HNRNPUL1: variants seen among roughly 807,000 people sequenced by gnomAD.
HNRNPUL1 encodes heterogeneous nuclear ribonucleoprotein U like 1, also known as heterogeneous nuclear ribonucleoprotein U-like protein 1.
Under a neutral mutation model 108.5 loss-of-function variants are expected in HNRNPUL1, and 14 were observed. That is an observed-to-expected ratio of 0.13 (90% CI 0.09 to 0.20). The LOEUF (loss-of-function observed/expected upper bound fraction) is 0.20. Ranked by LOEUF, HNRNPUL1 falls within the 10% of genes least tolerant of loss-of-function variation. The pLI is 1.00. For synonymous variants in HNRNPUL1, 422 were observed against 445.2 expected, an observed-to-expected ratio of 0.95 and a Z score of 0.66; for missense variants, 804 against 1,168.3, an observed-to-expected ratio of 0.69 and a Z score of 4.55.
chr19:41,289,730 TTTTGAGAAGGAGTCTTGCTGTTGCCC>T (rs2036470556), intron 7 of HNRNPUL1, among the ~76,000 whole-genome samples: 1 of 150,550 alleles, frequency 6.6e-6, no homozygotes, highest in Non-Finnish European at 1.5e-5. Flanking sequence ...TTTTTTTTTT[TTTTGAGAAGGAGTCTTGCTGTTGCCC>T]GGCTGGAGTG....
Position 41,294,702 on chromosome 19 carries a change from C to T in HNRNPUL1, c.1518+16C>T. On this transcript the variant is annotated intron_variant, in intron 10 of 14. Coordinates refer to ENST00000392006, the MANE Select transcript of HNRNPUL1 (RefSeq NM_007040.6). The surrounding 1 kb of genome is among the most constrained non-coding windows in gnomAD (Gnocchi z 4.3). ...CCTAGATCAGGTACTTAATGATGAC[C>T]ATTGTGTCCTCAGGAGAAGGGAGGG... 1 of 1,613,860 alleles carries T rather than the reference C, an allele frequency of 6.2e-7. No homozygotes were observed. Among genetic ancestry groups the T allele is most frequent in the South Asian group, 1.1e-5 (1 of 90,940 alleles).
intron 4 of HNRNPUL1, among the ~76,000 whole-genome samples, chr19:41,275,822 G>T (rs2035518103): frequency 6.6e-6 from 1 of 152,218 alleles, no homozygotes; most frequent in African/African-American, 2.4e-5. Flanking sequence ...CATCAGCCAG[G>T]CCGGGCGTGG....
At chr19:41,302,214 G>GTGTT (rs1794726138) in intron 11 of HNRNPUL1, among the ~76,000 whole-genome samples, 1 of 92,430 alleles carries the variant, frequency 1.1e-5, no homozygotes, top group African/African-American at 4.6e-5. Context: ...CTCTCTCTCT[G>GTGTT]TTTTTTTTTT....
intron 5 of HNRNPUL1, among the ~76,000 whole-genome samples, chr19:41,278,142 G>A (rs1968453): frequency 0.064 from 9,678 of 151,614 alleles, 837 homozygotes; most frequent in African/African-American, 0.19. Context: ...TTACTGCAAC[G>A]TCTCCCTCCT....
intron 3 of HNRNPUL1, among the ~76,000 whole-genome samples, 189 bp from the exon 4 acceptor site, chr19:41,273,793 G>C (rs1264464690): frequency 1.3e-5 from 2 of 152,180 alleles, no homozygotes; most frequent in Non-Finnish European, 2.9e-5. Flanking sequence ...TCCACCGTAG[G>C]AGTTGACGGT....
intron 7 of HNRNPUL1, among the ~76,000 whole-genome samples, chr19:41,282,884 C>A (rs1253972448): frequency 2.0e-5 from 3 of 150,996 alleles, no homozygotes; most frequent in Non-Finnish European, 4.4e-5. Flanking sequence ...TTAGTAGAGA[C>A]GGGGTTTCAC....
In HNRNPUL1 at chr19:41,264,502, C is replaced by T; in HGVS notation, c.-2C>T. The stretch of plus-strand genomic sequence containing the variant: ...TCGGGGGCCACCCCGGGGGCCCGGG[C>T]CATGGATGTGCGCCGTCTGAAGGTG... On this transcript the variant is annotated 5_prime_UTR_variant, in exon 1 of 15. Transcript: ENST00000392006. 4 of 1,395,564 alleles carry T rather than the reference C, an allele frequency of 2.9e-6. No homozygotes were observed. Among genetic ancestry groups the T allele is most frequent in the South Asian group, 3.0e-5 (2 of 66,354 alleles). 86.4% of individuals were successfully genotyped at this position (1,395,564 alleles called of 1,614,324 possible).
In HNRNPUL1 at chr19:41,303,974, T is replaced by G. The variant is rs1207601270; in HGVS notation, c.1975T>G (p.Phe659Val). Reference sequence around the variant, plus strand: ...TCATCTGGATTTCTCCAACACAGGTTTCAACCGCAGCGGAGGTGGTGGCTA... The same window carrying G: ...TCATCTGGATTTCTCCAACACAGGTGTCAACCGCAGCGGAGGTGGTGGCTA... ...SGGGGNYRGGFNRSGGGGYSQ... is the reference protein window; with the variant it reads ...SGGGGNYRGGVNRSGGGGYSQ... Residue 659 changes from phenylalanine (F) to valine (V), a missense_variant and splice_region_variant, in exon 13 of 15, where the codon TTC (phenylalanine) becomes GTC (valine). By Grantham distance (50) the Phe-to-Val change is conservative. Coordinates refer to ENST00000392006, the MANE Select transcript of HNRNPUL1 (RefSeq NM_007040.6). The G allele has an allele frequency of 6.2e-7, 1 of 1,607,668 alleles. No homozygotes were observed. The highest frequency in any genetic ancestry group is 1.3e-5 in the African/African-American group (1 of 74,782).
At chr19:41,268,992 T>C (rs2122442187) in intron 2 of HNRNPUL1, among the ~76,000 whole-genome samples, 1 of 152,254 alleles carries the variant, frequency 6.6e-6, no homozygotes, top group Non-Finnish European at 1.5e-5. Context: ...GTATTTCTCA[T>C]GTTCTGAAGA....
intron 1 of HNRNPUL1, chr19:41,265,047 G>C: frequency 2.1e-6 from 3 of 1,397,682 alleles, no homozygotes; most frequent in Non-Finnish European, 2.8e-6. Context: ...GGGGGTGGCG[G>C]GGAGGATTCC....
intron 2 of HNRNPUL1, 145 bp from the exon 3 acceptor site, chr19:41,271,937 G>C (rs2035264742): frequency 1.2e-6 from 1 of 860,776 alleles, no homozygotes; most frequent in East Asian, 2.5e-5. Context: ...GCAGGCTTCT[G>C]TTGAACTCAG....
In HNRNPUL1 at chr19:41,292,339, G is replaced by T; in HGVS notation, c.1094G>T (p.Gly365Val). ...AFRIQKEALG[G>V]QALYPHVLVK... ...CGAATCCAGAAGGAAGCCTTGGGGGGTCAGGCCCTCTATCCTCATGTCCTG... is the reference window on the plus strand; with the variant it reads ...CGAATCCAGAAGGAAGCCTTGGGGGTTCAGGCCCTCTATCCTCATGTCCTG... The change falls in exon 8 of 15, where the codon GGT becomes GTT. Residue 365 changes from glycine (G) to valine (V), a missense_variant. Transcript: ENST00000392006. The surrounding 1 kb of genome is among the most constrained non-coding windows in gnomAD (Gnocchi z 4.1). 1 of 1,614,224 alleles carries T rather than the reference G, an allele frequency of 6.2e-7. No homozygotes were observed. The highest frequency in any genetic ancestry group is 1.1e-5 in the South Asian group (1 of 91,084).
chr19:41,264,205 G>T, upstream of HNRNPUL1: 1 of 307,472 alleles, frequency 3.3e-6, no homozygotes, highest in Non-Finnish European at 6.0e-6. Context: ...GTAGGCCAAC[G>T]CTTCCTCCCC....
At chr19:41,282,372 G>T (rs1478608815) in intron 7 of HNRNPUL1, among the ~76,000 whole-genome samples, 1 of 152,050 alleles carries the variant, frequency 6.6e-6, no homozygotes. Flanking sequence ...AGTAGAGACG[G>T]GGTTTCTCCA....
At position 41,264,462 on chromosome 19, in the gene HNRNPUL1, G is replaced by GAGGCC; in HGVS notation, c.-41_-37dup. The GAGGCC allele has an allele frequency of 1.5e-6, 2 of 1,338,982 alleles. No homozygotes were observed. Among genetic ancestry groups the GAGGCC allele is most frequent in the South Asian group, 1.8e-5 (1 of 54,638 alleles). The allele number at this position is 1,338,982 out of a possible 1,614,324, so 82.9% of individuals were successfully genotyped here. ...AGGTTTAAGGGGGACAGAGCCCTGG[G>GAGGCC]AGGCCGGGCCGGGCTCGGGGGCCAC... On this transcript the variant is annotated 5_prime_UTR_variant, in exon 1 of 15. Transcript: ENST00000392006.
chr19:41,274,044 C>G lies in HNRNPUL1; in HGVS notation c.635C>G (p.Ala212Gly). The G allele has an allele frequency of 6.2e-7, 1 of 1,613,740 alleles. No homozygotes were observed. The highest frequency in any genetic ancestry group is 1.3e-5 in the African/African-American group (1 of 75,032). Residue 212 changes from alanine to glycine, a missense_variant, in exon 4 of 15, where the codon GCT becomes GGT. By Grantham distance (60) the Ala-to-Gly change is moderately conservative. Transcript: ENST00000392006. ...GATGACTTTGATGATACCCTTGTTG[C>G]TATTGACACCTGTAAGTCTTTGGAG... ...DEDDFDDTLV[A>G]IDTYNCDLHF...
chr19:41,271,100 G>A (rs2035209064), intron 2 of HNRNPUL1, among the ~76,000 whole-genome samples: 1 of 152,164 alleles, frequency 6.6e-6, no homozygotes, highest in East Asian at 1.9e-4. Context: ...TGCTTTTACT[G>A]TGTTGTGGCC....
chr19:41,290,554 C>T (rs1319367014), intron 7 of HNRNPUL1, among the ~76,000 whole-genome samples: 2 of 152,228 alleles, frequency 1.3e-5, no homozygotes, highest in East Asian at 3.8e-4. Flanking sequence ...ATTTCTAGCA[C>T]AGTGCCTGAC....
At chr19:41,272,045 C>T (rs373050751) in intron 2 of HNRNPUL1, 37 bp from the exon 3 acceptor site, 22 of 1,606,280 alleles carry the variant, frequency 1.4e-5, no homozygotes, top group African/African-American at 1.3e-5. Flanking sequence ...GGGGAGCTTG[C>T]GAGTGTCTTG....
Sources: allele counts gnomAD v4.1 joint callset (sites outside exome capture counted in the v4.1 genomes callset), GRCh38; gene constraint gnomAD v4.1.1; non-coding constraint Gnocchi (gnomAD v3.1); transcripts MANE v1.5; gene names NCBI Gene and HGNC (gene_info 2026-07-23, HGNC 2026-07-21).